Variants in GALNT7 observed in about 807,000 individuals in gnomAD.
GALNT7 encodes the protein polypeptide N-acetylgalactosaminyltransferase 7.
Under a neutral mutation model 82.1 loss-of-function variants are expected in GALNT7, and 60 were observed. The observed-to-expected ratio is 0.73, with a 90% CI of 0.59 to 0.91. The LOEUF (loss-of-function observed/expected upper bound fraction) is 0.91. GALNT7 is among the 40% of genes least tolerant of loss of function. The probability of loss-of-function intolerance (pLI) is 0.00; values close to 1 mark genes in which losing one functional copy is unlikely to be tolerated. For synonymous variants in GALNT7, 243 were observed against 275.1 expected, an observed-to-expected ratio of 0.88 and a Z score of 1.15; for missense variants, 660 against 804.2, an observed-to-expected ratio of 0.82 and a Z score of 2.17.
rs543277236 is a variant in GALNT7, at chr4:173,320,217, G to A, written c.1837-1363G>A. ...GCAGTTCTCAAACTTTCTGTCCTCT[G>A]GATTCCCTTTACACTCTTAAAAATT... On this transcript the variant is annotated intron_variant, in intron 11 of 11. Coordinates refer to ENST00000265000, the MANE Select transcript of GALNT7 (RefSeq NM_017423.3). This position sits in a 1 kb window ranked among gnomAD's most constrained non-coding sequence, Gnocchi z 4.1. Among the ~76,000 whole-genome samples the A allele has an allele frequency of 1.1e-4, 17 of 151,958 alleles. No individual in the cohort carries two copies. In the East Asian group the frequency reaches 3.1e-3, roughly 28 times the overall value.
At chr4:173,225,018 A>AAATAAT (rs70944438) in intron 1 of GALNT7, among the ~76,000 whole-genome samples, 4,172 of 144,528 alleles carry the variant, frequency 0.029, 203 homozygotes, top group African/African-American at 0.1. Flanking sequence ...CTGTCTCAAA[A>AAATAAT]AATAATAATA....
At chr4:173,189,849 A>G (rs1385996432) in intron 1 of GALNT7, among the ~76,000 whole-genome samples, 5 of 152,332 alleles carry the variant, frequency 3.3e-5, no homozygotes, top group Non-Finnish European at 7.3e-5. Context: ...TCCCAATCTT[A>G]TGGAAATACA....
intron 2 of GALNT7, among the ~76,000 whole-genome samples, chr4:173,269,205 G>C (rs1469123150): frequency 6.6e-6 from 1 of 152,150 alleles, no homozygotes; most frequent in Non-Finnish European, 1.5e-5. Flanking sequence ...TTTCAAAAAT[G>C]AAATCTGATA....
rs1458299666 is a variant in GALNT7 at position 173,304,121 on chromosome 4, G to A, written c.1389+3G>A. On this transcript the variant is annotated splice_donor_region_variant and intron_variant, in intron 8 of 11. Coordinates refer to ENST00000265000, the MANE Select transcript of GALNT7 (RefSeq NM_017423.3). ...TTGGGTCTTCTCCAACTCTGAAGGT[G>A]AGTTTTTTGGATAAAAGGGGAGGAC... The A allele has an allele frequency of 6.2e-6, 10 of 1,611,560 alleles. No homozygotes were observed. The Admixed American group carries it at 1.0e-4, about 16-fold the overall frequency.
chr4:173,190,718 T>C (rs1397179590), intron 1 of GALNT7, among the ~76,000 whole-genome samples: 1 of 152,236 alleles, frequency 6.6e-6, no homozygotes, highest in Non-Finnish European at 1.5e-5. Flanking sequence ...TTAACACTAG[T>C]GTTCAGTAAG....
Position 173,298,275 on chromosome 4 carries a change from A to G in GALNT7, c.1126A>G (p.Lys376Glu). The G allele has an allele frequency of 1.3e-5, 21 of 1,577,682 alleles. No individual in the cohort carries two copies. Among genetic ancestry groups the G allele is most frequent in the Non-Finnish European group, 1.8e-5 (21 of 1,167,998 alleles). ...PLTPQEKRLRKTKTEPYRSPA... is the reference protein window; with the variant it reads ...PLTPQEKRLRETKTEPYRSPA... ...GACCCCTCAAGAGAAGAGACTGAGA[A>G]AGACAAAAACTGAACCGTATCGGTA... Residue 376 changes from lysine (K) to glutamate (E), a missense_variant, in exon 6 of 12, where the codon AAG (lysine) becomes GAG (glutamate). By Grantham distance (56) the Lys-to-Glu change is moderately conservative (BLOSUM62 1). Transcript: ENST00000265000.
At chr4:173,176,688 AAAGAGATGCTGG>A (rs1391592419) in intron 1 of GALNT7, among the ~76,000 whole-genome samples, 3 of 152,172 alleles carry the variant, frequency 2.0e-5, no homozygotes, top group African/African-American at 7.2e-5. Flanking sequence ...TGTCTTATAA[AAAGAGATGCTGG>A]AGAGATGAGG....
At chr4:173,307,020 A>G (rs141561782) in intron 8 of GALNT7, among the ~76,000 whole-genome samples, 2 of 152,342 alleles carry the variant, frequency 1.3e-5, no homozygotes, top group East Asian at 3.9e-4. Context: ...TACCAGGTAT[A>G]TATTCCCTGT....
intron 2 of GALNT7, among the ~76,000 whole-genome samples, chr4:173,258,581 C>T (rs559734333): frequency 8.5e-5 from 13 of 152,288 alleles, no homozygotes; most frequent in African/African-American, 2.4e-4. Flanking sequence ...CTGTGTTACA[C>T]CTATATGCCT....
chr4:173,233,441 A>G (rs1011697324), intron 1 of GALNT7, among the ~76,000 whole-genome samples: 7 of 152,194 alleles, frequency 4.6e-5, no homozygotes, highest in Non-Finnish European at 4.4e-5. Context: ...CTCAGATGAG[A>G]TGATACTTCA....
intron 1 of GALNT7, among the ~76,000 whole-genome samples, chr4:173,225,798 T>G (rs1369405889): frequency 6.6e-6 from 1 of 152,188 alleles, no homozygotes; most frequent in Non-Finnish European, 1.5e-5. Flanking sequence ...ACCTGACAGA[T>G]CTAACAGAAT....
intron 1 of GALNT7, among the ~76,000 whole-genome samples, chr4:173,238,403 A>G (rs1734304154): frequency 6.6e-6 from 1 of 152,180 alleles, no homozygotes; most frequent in Admixed American, 6.5e-5. Context: ...GTTCCTAAAC[A>G]TGAAGAGTTA....
At chr4:173,254,913 A>G (rs980311443) in intron 2 of GALNT7, among the ~76,000 whole-genome samples, 1 of 152,214 alleles carries the variant, frequency 6.6e-6, no homozygotes, top group Non-Finnish European at 1.5e-5. Context: ...TTACTTTAAA[A>G]TAAGTCCTTG....
At chr4:173,261,554 C>T (rs545262193) in intron 2 of GALNT7, among the ~76,000 whole-genome samples, 23 of 152,258 alleles carry the variant, frequency 1.5e-4, no homozygotes, top group African/African-American at 5.1e-4. Flanking sequence ...TGGCAGCTCA[C>T]GCCTGTAATC....
intron 1 of GALNT7, among the ~76,000 whole-genome samples, chr4:173,185,413 C>CAAAA (rs33996293): frequency 2.1e-5 from 3 of 142,132 alleles, no homozygotes; most frequent in Admixed American, 6.9e-5. Context: ...CAATGAATCT[C>CAAAA]AAAAAAAAAA....
In GALNT7 at chr4:173,255,053, T is replaced by C. The variant is rs1253609261; in HGVS notation, c.587+6613T>C. Reference sequence around the variant, plus strand: ...TAACAACAGATGCATTTAGACAAACTGAAATTATTTTAAAAAACAGGAGTT... The same window carrying C: ...TAACAACAGATGCATTTAGACAAACCGAAATTATTTTAAAAAACAGGAGTT... On this transcript the variant is annotated intron_variant, in intron 2 of 11. Coordinates refer to ENST00000265000, the MANE Select transcript of GALNT7 (RefSeq NM_017423.3). Among the ~76,000 whole-genome samples the C allele has an allele frequency of 3.3e-5, 5 of 152,242 alleles. No individual in the cohort carries two copies. The East Asian group carries it at 5.8e-4, about 18-fold the overall frequency.
chr4:173,319,123 A>T (rs1410542770), intron 11 of GALNT7, among the ~76,000 whole-genome samples: 1 of 152,106 alleles, frequency 6.6e-6, no homozygotes, highest in Non-Finnish European at 1.5e-5. Context: ...CTGCTGGGGT[A>T]GCTTTGTGTT....
intron 2 of GALNT7, among the ~76,000 whole-genome samples, chr4:173,253,819 C>G (rs1320345340): frequency 6.6e-6 from 1 of 152,096 alleles, no homozygotes; most frequent in Non-Finnish European, 1.5e-5. Flanking sequence ...GGATAAGGAG[C>G]CTGTTTATGG....
At chr4:173,274,575 C>T (rs1037537391) in intron 2 of GALNT7, among the ~76,000 whole-genome samples, 10 of 152,084 alleles carry the variant, frequency 6.6e-5, no homozygotes, top group Non-Finnish European at 1.2e-4. Context: ...CTAACAGAGC[C>T]TCAGTTTCTT....
Sources: allele counts gnomAD v4.1 joint callset (sites outside exome capture counted in the v4.1 genomes callset), GRCh38; gene constraint gnomAD v4.1.1; non-coding constraint Gnocchi (gnomAD v3.1); transcripts MANE v1.5; gene names NCBI Gene and HGNC (gene_info 2026-07-23, HGNC 2026-07-21).